CSMD3: variants seen among roughly 807,000 people sequenced by gnomAD.
CSMD3 encodes CUB and sushi domain-containing protein 3.
In CSMD3, 177 loss-of-function variants were observed where a neutral mutation model predicts 435.2. That is an observed-to-expected ratio of 0.41 (90% CI 0.36 to 0.46). The LOEUF is 0.46. Among genes scored for constraint, CSMD3 ranks in the 20% least tolerant of loss-of-function variants. CSMD3 has a pLI of 0.34. For missense variants in CSMD3, 4,265 were observed against 4,504.6 expected (o/e 0.95, Z 1.52); for synonymous variants, 1,656 against 1,520.5 (o/e 1.09, Z -2.07).
intron 1 of CSMD3, among the ~76,000 whole-genome samples, chr8:113,370,215 TA>T (rs1178918156): frequency 1.3e-5 from 2 of 151,104 alleles, no homozygotes; most frequent in East Asian, 1.9e-4. Context: ...TAAATAAATT[TA>T]AAAAAACACA....
intron 5 of CSMD3, among the ~76,000 whole-genome samples, chr8:113,028,840 C>T (rs749381767): frequency 6.6e-6 from 1 of 151,528 alleles, no homozygotes; most frequent in Non-Finnish European, 1.5e-5. Context: ...GTGCAAGGTG[C>T]ATCAGCATAA....
At chr8:113,206,368 C>T (rs912095556) in intron 3 of CSMD3, among the ~76,000 whole-genome samples, 3 of 152,102 alleles carry the variant, frequency 2.0e-5, no homozygotes, top group African/African-American at 7.2e-5. Flanking sequence ...CATTATTTTG[C>T]AATCAATGAT....
At chr8:113,241,563 A>G (rs1019849819) in intron 3 of CSMD3, among the ~76,000 whole-genome samples, 2 of 151,684 alleles carry the variant, frequency 1.3e-5, no homozygotes, top group East Asian at 3.9e-4. Flanking sequence ...TTCAAATGCT[A>G]TTTGTAAATT....
intron 5 of CSMD3, among the ~76,000 whole-genome samples, chr8:113,028,006 T>C (rs1024065993): frequency 3.3e-5 from 5 of 152,142 alleles, no homozygotes; most frequent in African/African-American, 1.2e-4. Context: ...TTTTTGTTTA[T>C]TGTGCTTTGC....
intron 12 of CSMD3, among the ~76,000 whole-genome samples, chr8:112,818,029 C>T (rs1292976424): frequency 1.3e-5 from 2 of 151,342 alleles, no homozygotes; most frequent in African/African-American, 2.4e-5. Context: ...TTTTTTTATG[C>T]TTTGTAACTG....
At chr8:112,327,641 A>G (rs1287045029) in intron 45 of CSMD3, among the ~76,000 whole-genome samples, 2 of 152,196 alleles carry the variant, frequency 1.3e-5, no homozygotes, top group Admixed American at 6.6e-5. Flanking sequence ...TCTTTTTAGA[A>G]GAATCATGTT....
chr8:112,462,447 T>G (rs2130687786), intron 32 of CSMD3, among the ~76,000 whole-genome samples: 1 of 152,360 alleles, frequency 6.6e-6, no homozygotes, highest in East Asian at 1.9e-4. Flanking sequence ...ACTTATTTTC[T>G]ATAACTGCCT....
At chr8:112,748,302 G>A (rs2077487010) in intron 13 of CSMD3, among the ~76,000 whole-genome samples, 1 of 152,120 alleles carries the variant, frequency 6.6e-6, no homozygotes, top group Non-Finnish European at 1.5e-5. Context: ...ATTTTTGGAA[G>A]AATAGTGAAA....
chr8:112,951,934 T>C lies in CSMD3; in HGVS notation c.1420+2750A>G, dbSNP rs1018780666. Among the ~76,000 whole-genome samples the C allele has an allele frequency of 6.6e-5, 10 of 151,780 alleles. No homozygotes were observed. The East Asian group carries it at 1.9e-3, about 29-fold the overall frequency. ...AAAAGAAAGAAAACACAATCATTTATGGCAGGCTCACAGTTTCCTCATAAT... is the reference window on the plus strand; with the variant it reads ...AAAAGAAAGAAAACACAATCATTTACGGCAGGCTCACAGTTTCCTCATAAT... On this transcript the variant is annotated intron_variant, in intron 8 of 70. Transcript: ENST00000297405.
intron 7 of CSMD3, among the ~76,000 whole-genome samples, chr8:112,969,631 T>C (rs2084568108): frequency 6.6e-6 from 1 of 152,010 alleles, no homozygotes; most frequent in Non-Finnish European, 1.5e-5. Context: ...GTTGTAGTTA[T>C]CTAAGTTAAA....
intron 7 of CSMD3, among the ~76,000 whole-genome samples, chr8:112,974,202 AAAGTATTTAATTT>A (rs1462519092): frequency 6.6e-6 from 1 of 151,878 alleles, no homozygotes; most frequent in African/African-American, 2.4e-5. Context: ...AACCACCTTA[AAAGTATTTAATTT>A]AATTTAATGG....
At chr8:113,091,969 C>T (rs1246638163) in intron 5 of CSMD3, among the ~76,000 whole-genome samples, 1 of 151,512 alleles carries the variant, frequency 6.6e-6, no homozygotes, top group African/African-American at 2.4e-5. Context: ...TTTTGTATAC[C>T]CATATATGTG....
chr8:112,467,796 C>T (rs1384281973), intron 32 of CSMD3, among the ~76,000 whole-genome samples: 1 of 152,038 alleles, frequency 6.6e-6, no homozygotes, highest in Non-Finnish European at 1.5e-5. Context: ...TGGAGTAAAC[C>T]AGCTATAAGC....
Position 112,301,847 on chromosome 8 carries a change from C to A in CSMD3, c.8386G>T (p.Val2796Leu). 2 of 1,613,824 alleles carry A rather than the reference C, an allele frequency of 1.2e-6. No homozygotes were observed. Among genetic ancestry groups the A allele is most frequent in the Non-Finnish European group, 1.7e-6 (2 of 1,179,822 alleles). ...AGACCTGAGGAAAGGCATTCCCTTACAGCAGAGCCCACAAGCATGAATCCC... is the reference window on the plus strand; with the variant it reads ...AGACCTGAGGAAAGGCATTCCCTTAAAGCAGAGCCCACAAGCATGAATCCC... ...DLGFMLVGSA[V>L]RECLSSGLWS... Residue 2796 changes from valine (V) to leucine (L), a missense_variant, in exon 53 of 71, where the codon GTA becomes TTA. Physicochemically the swap from Val to Leu is conservative, Grantham distance 32. Transcript: ENST00000297405.
At chr8:113,191,711 CAATGAACATGTGAGTGCA>C (rs2092588435) in intron 3 of CSMD3, among the ~76,000 whole-genome samples, 2 of 151,892 alleles carry the variant, frequency 1.3e-5, no homozygotes, top group East Asian at 3.9e-4. Context: ...AATAGTGCTG[CAATGAACATGTGAGTGCA>C]TGTGTTTTTT....
chr8:113,064,427 T>C (rs1335549937), intron 5 of CSMD3, among the ~76,000 whole-genome samples: 1 of 152,148 alleles, frequency 6.6e-6, no homozygotes, highest in African/African-American at 2.4e-5. Flanking sequence ...AAGCAAATCA[T>C]GAGGCAATAA....
chr8:112,908,700 A>G (rs1021335183), intron 10 of CSMD3, among the ~76,000 whole-genome samples: 2 of 151,574 alleles, frequency 1.3e-5, no homozygotes, highest in African/African-American at 4.8e-5. Flanking sequence ...TGGTATTCAT[A>G]GCCCAGAATA....
At chr8:113,147,666 G>A (rs1031195222) in intron 4 of CSMD3, among the ~76,000 whole-genome samples, 2 of 151,612 alleles carry the variant, frequency 1.3e-5, no homozygotes, top group African/African-American at 4.8e-5. Flanking sequence ...GTGAGTAGGT[G>A]TGTGGAGGGG....
At chr8:112,246,528 T>C (rs1189838868) in intron 64 of CSMD3, among the ~76,000 whole-genome samples, 1 of 152,232 alleles carries the variant, frequency 6.6e-6, no homozygotes, top group Non-Finnish European at 1.5e-5. Flanking sequence ...TGCTCTCCAC[T>C]GAGGATCAGA....
Sources: allele counts gnomAD v4.1 joint callset (sites outside exome capture counted in the v4.1 genomes callset), GRCh38; gene constraint gnomAD v4.1.1; transcripts MANE v1.5; gene names NCBI Gene and HGNC (gene_info 2026-07-23, HGNC 2026-07-21).